MYO5C: variants seen among roughly 807,000 people sequenced by gnomAD.
The protein encoded by MYO5C is unconventional myosin-Vc.
Under a neutral mutation model 235.7 loss-of-function variants are expected in MYO5C, and 194 were observed. That is an observed-to-expected ratio of 0.82 (90% CI 0.73 to 0.93). The LOEUF (loss-of-function observed/expected upper bound fraction) is 0.93, where lower values mean the gene tolerates loss of function less well. Among genes scored for constraint, MYO5C ranks in the 40% least tolerant of loss-of-function variants. The pLI, the probability that MYO5C is intolerant of heterozygous loss-of-function variation, is 0.00. For synonymous variants in MYO5C, 707 were observed against 754.8 expected (o/e 0.94, Z 1.04); for missense variants, 2,038 against 2,127.2 (o/e 0.96, Z 0.82).
chr15:52,236,589 T>C (rs1355267381), intron 22 of MYO5C, among the ~76,000 whole-genome samples: 1 of 152,102 alleles, frequency 6.6e-6, no homozygotes, highest in South Asian at 2.1e-4. Context: ...GGAAGGAGAA[T>C]TGCTTGAACC....
At chr15:52,280,033 C>A (rs973997089) in intron 2 of MYO5C, among the ~76,000 whole-genome samples, 3 of 152,164 alleles carry the variant, frequency 2.0e-5, no homozygotes, top group African/African-American at 7.2e-5. Flanking sequence ...TCCTGAATCT[C>A]CCACCAGGGC....
At chr15:52,259,130 T>G (rs1380750144) in intron 10 of MYO5C, among the ~76,000 whole-genome samples, 2 of 152,032 alleles carry the variant, frequency 1.3e-5, no homozygotes, top group Admixed American at 6.5e-5. Context: ...GATAAAAATA[T>G]GAAATAATGG....
chr15:52,278,368 C>T (rs7161988), intron 4 of MYO5C, among the ~76,000 whole-genome samples: 8,507 of 152,076 alleles, frequency 0.056, 468 homozygotes, highest in African/African-American at 0.14. Context: ...AATGTGTGCA[C>T]GGTGCCTCAT....
intron 8 of MYO5C, among the ~76,000 whole-genome samples, chr15:52,268,464 G>A (rs534388092): frequency 9.5e-4 from 145 of 152,242 alleles, no homozygotes; most frequent in African/African-American, 3.4e-3. Flanking sequence ...TTGGGAAGCT[G>A]AGGCAGGGGA....
At chr15:52,251,877 C>T (rs1448787113) in intron 12 of MYO5C, among the ~76,000 whole-genome samples, 4 of 152,088 alleles carry the variant, frequency 2.6e-5, no homozygotes, top group Non-Finnish European at 5.9e-5. Context: ...GTTGGCCAGG[C>T]TGGCCTCCAA....
At chr15:52,248,639 T>C (rs983779769) in intron 14 of MYO5C, 61 bp downstream of exon 14, 2 of 1,172,572 alleles carry the variant, frequency 1.7e-6, no homozygotes, top group Non-Finnish European at 2.6e-6. Context: ...TCTTTCCTTA[T>C]ATACATCTAG....
At chr15:52,196,557 T>C (rs2035057183) in intron 38 of MYO5C, 74 bp from the exon 39 acceptor site, 1 of 1,451,032 alleles carries the variant, frequency 6.9e-7, no homozygotes, top group South Asian at 1.3e-5. Flanking sequence ...CCCGAGAGGG[T>C]ACCAGAGTTC....
At chr15:52,295,520 T>C (rs2037482666) in intron 1 of MYO5C, 90 bp downstream of exon 1, 8 of 1,419,656 alleles carry the variant, frequency 5.6e-6, no homozygotes, top group Non-Finnish European at 7.5e-6. Flanking sequence ...TGCGCAGGTG[T>C]GGCAGGTGTG....
At chr15:52,235,904 C>G in intron 22 of MYO5C, 141 bp from the exon 23 acceptor site, 1 of 585,060 alleles carries the variant, frequency 1.7e-6, no homozygotes, top group East Asian at 2.9e-5. Context: ...ACAGCGAGCA[C>G]CAGCCACTGT....
chr15:52,285,258 C>G (rs55845575), intron 1 of MYO5C, among the ~76,000 whole-genome samples: 1 of 151,678 alleles, frequency 6.6e-6, no homozygotes, highest in African/African-American at 2.4e-5. Flanking sequence ...ATCCCAACTA[C>G]TCAGGAGGCT....
intron 20 of MYO5C, 97 bp downstream of exon 20, chr15:52,241,950 GA>G: frequency 7.6e-7 from 1 of 1,317,346 alleles, no homozygotes; most frequent in Non-Finnish European, 1.0e-6. Context: ...TGTACAAAGT[GA>G]GGTTGCCCAT....
chr15:52,237,333 TA>T, intron 22 of MYO5C, 148 bp downstream of exon 22: 1 of 927,478 alleles, frequency 1.1e-6, no homozygotes, highest in Non-Finnish European at 1.6e-6. Context: ...TCGCCTTTCC[TA>T]AAAGGTAGGC....
chr15:52,197,245 T>C (rs2141255567), intron 38 of MYO5C, among the ~76,000 whole-genome samples: 1 of 152,242 alleles, frequency 6.6e-6, no homozygotes, highest in South Asian at 2.1e-4. Flanking sequence ...AAAATATCCA[T>C]CAACTGATGA....
intron 7 of MYO5C, 23 bp from the exon 8 acceptor site, chr15:52,269,883 G>A (rs746997586): frequency 1.1e-5 from 16 of 1,519,276 alleles, no homozygotes; most frequent in Non-Finnish European, 1.4e-5. Context: ...AGTAAGATTT[G>A]TTATGTCTGT....
At chr15:52,203,133 A>T (rs2035225921) in intron 38 of MYO5C, among the ~76,000 whole-genome samples, 1 of 151,996 alleles carries the variant, frequency 6.6e-6, no homozygotes, top group Non-Finnish European at 1.5e-5. Context: ...CATGTTGCTC[A>T]GGCTGGTCTC....
rs765028587 is a variant in MYO5C, at chr15:52,195,436, A to T, written c.5017T>A (p.Tyr1673Asn). The T allele has an allele frequency of 6.2e-6, 10 of 1,612,746 alleles. No homozygotes were observed. The highest frequency in any genetic ancestry group is 8.5e-6 in the Non-Finnish European group (10 of 1,179,180). ...TTCTCAAAGTCATCTATAGGTGTGT[A>T]TGAATTAAGGATCTTTATGATCTGC... ...AVQIIKILNS[Y>N]TPIDDFEKRV... Residue 1673 changes from tyrosine (Y) to asparagine (N), a missense_variant, in exon 40 of 41, where the codon TAC (tyrosine) becomes AAC (asparagine). Physicochemically the swap from Tyr to Asn is moderately radical, Grantham distance 143. Coordinates refer to ENST00000261839, the MANE Select transcript of MYO5C (RefSeq NM_018728.4).
chr15:52,279,197 C>T (rs1015947364), intron 3 of MYO5C, among the ~76,000 whole-genome samples, 180 bp from the exon 4 acceptor site: 8 of 152,106 alleles, frequency 5.3e-5, no homozygotes, highest in East Asian at 1.9e-4. Flanking sequence ...GCTGTTCTGA[C>T]GGTTGGTTGA....
intron 11 of MYO5C, 88 bp downstream of exon 11, chr15:52,256,551 C>G: frequency 1.2e-6 from 1 of 846,282 alleles, no homozygotes; most frequent in Admixed American, 2.6e-5. Context: ...AGAAGAATGC[C>G]TCTTTCCACG....
chr15:52,209,036 G>A (rs1596141120), intron 35 of MYO5C, among the ~76,000 whole-genome samples: 1 of 152,186 alleles, frequency 6.6e-6, no homozygotes, highest in South Asian at 2.1e-4. Flanking sequence ...GGATGGGGAG[G>A]CAGAGCAGCC....
Sources: allele counts gnomAD v4.1 joint callset (sites outside exome capture counted in the v4.1 genomes callset), GRCh38; gene constraint gnomAD v4.1.1; transcripts MANE v1.5; gene names NCBI Gene and HGNC (gene_info 2026-07-23, HGNC 2026-07-21).